Variants in CADPS observed in about 807,000 individuals in gnomAD.
CADPS encodes the protein calcium-dependent secretion activator 1.
A neutral mutation model predicts 167.3 loss-of-function variants in CADPS; 57 were observed. That is an observed-to-expected ratio of 0.34 (90% confidence interval 0.28 to 0.42). The LOEUF is 0.42. CADPS is among the 20% of genes least tolerant of loss of function. The pLI, the probability that CADPS is intolerant of heterozygous loss-of-function variation, is 1.00. For synonymous variants in CADPS, 676 were observed against 635.3 expected (o/e 1.06, Z -0.96); for missense variants, 1,414 against 1,738.1 (o/e 0.81, Z 3.32).
intron 8 of CADPS, among the ~76,000 whole-genome samples, chr3:62,583,071 T>A (rs2083766843): frequency 6.6e-6 from 1 of 152,020 alleles, no homozygotes; most frequent in South Asian, 2.1e-4. Flanking sequence ...TTAAAGGAAG[T>A]TTAAAAAAAG....
At chr3:62,564,556 T>C (rs1160685951) in intron 9 of CADPS, among the ~76,000 whole-genome samples, 3 of 152,008 alleles carry the variant, frequency 2.0e-5, no homozygotes, top group African/African-American at 7.2e-5. Context: ...GGGAGAAATG[T>C]CTCAGAAATT....
At chr3:62,737,713 G>C (rs895092644) in intron 3 of CADPS, among the ~76,000 whole-genome samples, 1 of 152,096 alleles carries the variant, frequency 6.6e-6, no homozygotes, top group Admixed American at 6.6e-5. Context: ...CATCCACACT[G>C]ATCTTATGTC....
rs138055338 is a variant in CADPS, at chr3:62,529,918, C to G, written c.2291+2953G>C. On this transcript the variant is annotated intron_variant, in intron 13 of 29. Coordinates refer to ENST00000383710, the MANE Select transcript of CADPS (RefSeq NM_003716.4). ...AAATGTCAGTGTTAATTTTGGGTGA[C>G]GGTATAAAAGGTGAAGAAGGGCACA... Among the ~76,000 whole-genome samples the G allele has an allele frequency of 2.3e-3, 346 of 152,040 alleles. 1 individual carries two copies. The highest frequency in any genetic ancestry group is 7.9e-3 in the African/African-American group (327 of 41,472).
chr3:62,802,969 G>A (rs1576614417), intron 1 of CADPS, among the ~76,000 whole-genome samples: 1 of 152,152 alleles, frequency 6.6e-6, no homozygotes, highest in East Asian at 1.9e-4. Context: ...TTAGAAGGCA[G>A]TCACCTAGTA....
chr3:62,462,680 T>C (rs1386114039), intron 26 of CADPS, among the ~76,000 whole-genome samples: 4 of 152,156 alleles, frequency 2.6e-5, no homozygotes, highest in African/African-American at 9.7e-5. Flanking sequence ...ACTATCTCTA[T>C]GCCTCTGCAC....
chr3:62,834,090 A>G (rs2075545351), intron 1 of CADPS, among the ~76,000 whole-genome samples: 2 of 152,256 alleles, frequency 1.3e-5, no homozygotes, highest in South Asian at 4.2e-4. Flanking sequence ...AAAGAAAATC[A>G]TGCGTATCAG....
chr3:62,744,504 T>A (rs1168126316), intron 3 of CADPS, among the ~76,000 whole-genome samples: 2 of 152,168 alleles, frequency 1.3e-5, no homozygotes, highest in East Asian at 3.8e-4. Context: ...AAATTCAAAT[T>A]ATTAGCATGG....
At position 62,420,544 on chromosome 3, in the gene CADPS, G is replaced by A. The variant is rs140921765; in HGVS notation, c.3778-17359C>T. Among the ~76,000 whole-genome samples the A allele has an allele frequency of 6.6e-6, 1 of 152,262 alleles. No homozygotes were observed. The highest frequency in any genetic ancestry group is 2.4e-5 in the African/African-American group (1 of 41,556). On this transcript the variant is annotated intron_variant, in intron 28 of 29. Coordinates refer to ENST00000383710, the MANE Select transcript of CADPS (RefSeq NM_003716.4). This position sits in a 1 kb window ranked among gnomAD's most constrained non-coding sequence, Gnocchi z 4.1. ...GGAAGATGGCAGCAGATTGGGGAGA[G>A]CATGGCAGGCAGCACAGGTGGATGG...
At position 62,819,407 on chromosome 3, in the gene CADPS, CGTGTGTGT is replaced by C. The variant is rs3047244; in HGVS notation, c.442-53431_442-53424del. ...GTTTAAAGCAATGACAATCTGTGTG[CGTGTGTGT>C]GTGTGTGTGTGTGTGTGTGTGTGTG... On this transcript the variant is annotated intron_variant, in intron 1 of 29. Coordinates refer to ENST00000383710, the MANE Select transcript of CADPS (RefSeq NM_003716.4). 2.5e-3 allele frequency among the ~76,000 whole-genome samples: 362 copies of C among 144,050 alleles called. 3 individuals carry two copies. In the South Asian group the frequency reaches 0.028, roughly 11 times the overall value. 94.5% of individuals were successfully genotyped at this position (144,050 alleles called of 152,430 possible).
At chr3:62,485,964 A>G (rs2062749687) in intron 21 of CADPS, among the ~76,000 whole-genome samples, 1 of 152,262 alleles carries the variant, frequency 6.6e-6, no homozygotes, top group South Asian at 2.1e-4. Flanking sequence ...TATTGGCAGA[A>G]TCATGAGATC....
At chr3:62,872,977 G>C (rs1196242670) in intron 1 of CADPS, among the ~76,000 whole-genome samples, 2 of 152,146 alleles carry the variant, frequency 1.3e-5, no homozygotes, top group Admixed American at 6.5e-5. Flanking sequence ...TGAACTATTA[G>C]GCCCCGTGGA....
At chr3:62,764,361 C>A (rs1447972435) in intron 2 of CADPS, among the ~76,000 whole-genome samples, 1 of 152,130 alleles carries the variant, frequency 6.6e-6, no homozygotes, top group Non-Finnish European at 1.5e-5. Context: ...GATAAAGCAG[C>A]AAGTTTGACA....
intron 1 of CADPS, among the ~76,000 whole-genome samples, chr3:62,786,900 G>T (rs1342822147): frequency 1.3e-5 from 2 of 152,254 alleles, no homozygotes; most frequent in East Asian, 3.9e-4. Context: ...GGGTAGAATT[G>T]AAACACAGAT....
At chr3:62,606,516 T>A (rs1170691807) in intron 6 of CADPS, among the ~76,000 whole-genome samples, 1 of 152,198 alleles carries the variant, frequency 6.6e-6, no homozygotes, top group Non-Finnish European at 1.5e-5. Context: ...CTCACCAGAT[T>A]CAGCCCCTTG....
rs1388703307 is a variant in CADPS at position 62,465,728 on chromosome 3, T to C, written c.3553-278A>G. On this transcript the variant is annotated intron_variant, in intron 25 of 29. Transcript: ENST00000383710. This position sits in a 1 kb window ranked among gnomAD's most constrained non-coding sequence, Gnocchi z 4.1. The stretch of plus-strand genomic sequence containing the variant: ...TTATTGAGTTGCATATAGCATGCGA[T>C]AATATTAAATGCACTTTTTAAAATC... 6.6e-6 allele frequency among the ~76,000 whole-genome samples: 1 copy of C among 152,258 alleles called. No homozygotes were observed. Among genetic ancestry groups the C allele is most frequent in the Non-Finnish European group, 1.5e-5 (1 of 68,052 alleles).
intron 8 of CADPS, among the ~76,000 whole-genome samples, chr3:62,583,153 TTGTCTC>T (rs1189907885): frequency 1.6e-5 from 1 of 63,992 alleles, no homozygotes; most frequent in Non-Finnish European, 3.2e-5. Context: ...CCTACCCTCT[TTGTCTC>T]TCTCTCTCTC....
intron 1 of CADPS, among the ~76,000 whole-genome samples, chr3:62,804,032 T>G (rs918044152): frequency 3.9e-5 from 6 of 152,038 alleles, no homozygotes; most frequent in African/African-American, 1.4e-4. Flanking sequence ...CCACACTGCC[T>G]CAGTAGGACT....
chr3:62,532,755 G>T, intron 13 of CADPS, 116 bp downstream of exon 13: 1 of 738,100 alleles, frequency 1.4e-6, no homozygotes, highest in Non-Finnish European at 2.3e-6. Flanking sequence ...GTGTGTACGT[G>T]TGCACATACC....
At chr3:62,574,967 G>A (rs1429420062) in intron 8 of CADPS, among the ~76,000 whole-genome samples, 1 of 152,198 alleles carries the variant, frequency 6.6e-6, no homozygotes, top group Non-Finnish European at 1.5e-5. Flanking sequence ...ACAAAGGGAA[G>A]TAGATGACTT....
Sources: allele counts gnomAD v4.1 joint callset (sites outside exome capture counted in the v4.1 genomes callset), GRCh38; gene constraint gnomAD v4.1.1; non-coding constraint Gnocchi (gnomAD v3.1); transcripts MANE v1.5; gene names NCBI Gene and HGNC (gene_info 2026-07-23, HGNC 2026-07-21).